The following DGKH variants were observed in gnomAD, a reference collection of about 807,000 sequenced individuals.
DGKH encodes the protein DAG kinase eta.
Under a neutral mutation model 159.3 loss-of-function variants are expected in DGKH, and 90 were observed. The ratio of observed to expected loss-of-function variants is 0.57; its 90% CI spans 0.48 to 0.67. The LOEUF is 0.67. Ranked by LOEUF, DGKH falls within the 30% of genes least tolerant of loss-of-function variation. The pLI is 0.00. For synonymous variants in DGKH, 536 were observed against 553.8 expected (o/e 0.97, Z 0.45); for missense variants, 1,181 against 1,506.1 (o/e 0.78, Z 3.57).
intron 1 of DGKH, among the ~76,000 whole-genome samples, chr13:42,051,418 C>G (rs1222202383): frequency 1.3e-5 from 2 of 152,104 alleles, no homozygotes. Flanking sequence ...TTATTTACGT[C>G]TTTTATCACA....
At chr13:42,091,868 A>G (rs556863275) in intron 1 of DGKH, among the ~76,000 whole-genome samples, 2 of 152,348 alleles carry the variant, frequency 1.3e-5, no homozygotes, top group Admixed American at 6.5e-5. Context: ...CAAAACCACA[A>G]TGAGCTATCA....
intron 1 of DGKH, among the ~76,000 whole-genome samples, chr13:42,089,718 G>A (rs1954377852): frequency 6.6e-6 from 1 of 152,036 alleles, no homozygotes; most frequent in Non-Finnish European, 1.5e-5. Flanking sequence ...GGGCCCCCTT[G>A]GGTAATCCAG....
intron 11 of DGKH, among the ~76,000 whole-genome samples, chr13:42,171,828 C>CTTTTTTT (rs541194131): frequency 2.9e-5 from 3 of 102,420 alleles, no homozygotes; most frequent in Admixed American, 1.0e-4. Flanking sequence ...ATATAAATTT[C>CTTTTTTT]TTTTTTTTTT....
intron 1 of DGKH, among the ~76,000 whole-genome samples, chr13:42,104,695 A>G (rs1402192584): frequency 2.0e-5 from 3 of 152,202 alleles, no homozygotes; most frequent in Non-Finnish European, 1.5e-5. Flanking sequence ...GAAAGAATGG[A>G]TTATGGTAGA....
intron 18 of DGKH, 41 bp from the exon 19 acceptor site, chr13:42,199,525 A>C: frequency 7.5e-7 from 1 of 1,335,694 alleles, no homozygotes; most frequent in Non-Finnish European, 1.0e-6. Flanking sequence ...GTTATAATGA[A>C]TCTCAAATTG....
intron 9 of DGKH, among the ~76,000 whole-genome samples, chr13:42,167,094 C>G (rs1956332439): frequency 6.6e-6 from 1 of 152,102 alleles, no homozygotes; most frequent in Admixed American, 6.5e-5. Context: ...CTTCAAGGAT[C>G]TCAGACTCAG....
chr13:42,251,817 G>A (rs568175294), intron 29 of DGKH, among the ~76,000 whole-genome samples: 2 of 152,044 alleles, frequency 1.3e-5, no homozygotes, highest in African/African-American at 2.4e-5. Flanking sequence ...CCATTACAGC[G>A]TGTTCCCATT....
At chr13:42,159,067 C>G (rs544323853) in intron 5 of DGKH, among the ~76,000 whole-genome samples, 199 bp from the exon 6 acceptor site, 1 of 152,118 alleles carries the variant, frequency 6.6e-6, no homozygotes, top group South Asian at 2.1e-4. Context: ...TATAAAAGTG[C>G]TTCATAAATA....
At chr13:42,114,159 A>G (rs146564903) in intron 1 of DGKH, among the ~76,000 whole-genome samples, 77 of 152,314 alleles carry the variant, frequency 5.1e-4, no homozygotes, top group African/African-American at 1.8e-3. Context: ...TAAAAGCAGA[A>G]TGGCTTTTAA....
At chr13:42,203,861 G>T (rs955714010) in intron 20 of DGKH, among the ~76,000 whole-genome samples, 2 of 151,994 alleles carry the variant, frequency 1.3e-5, no homozygotes, top group Non-Finnish European at 2.9e-5. Context: ...TAAAAATAAA[G>T]GATATATGGG....
At chr13:42,208,459 A>G (rs1273469341) in intron 21 of DGKH, among the ~76,000 whole-genome samples, 1 of 152,164 alleles carries the variant, frequency 6.6e-6, no homozygotes, top group Non-Finnish European at 1.5e-5. Context: ...GCACATATGT[A>G]TATTGCTTGT....
At chr13:42,246,976 C>G (rs1958585346), downstream of DGKH, among the ~76,000 whole-genome samples, 1 of 152,032 alleles carries the variant, frequency 6.6e-6, no homozygotes, top group Non-Finnish European at 1.5e-5. Flanking sequence ...CATATATGAC[C>G]ACACAGATAT....
chr13:42,049,076 G>A, intron 1 of DGKH, 111 bp downstream of exon 1: 1 of 501,188 alleles, frequency 2.0e-6, no homozygotes, highest in East Asian at 4.8e-5. Flanking sequence ...AGGCGGGGAA[G>A]GCGGGGAAGG....
chr13:42,136,042 G>A (rs1955396517), intron 3 of DGKH, among the ~76,000 whole-genome samples: 1 of 152,182 alleles, frequency 6.6e-6, no homozygotes, highest in African/African-American at 2.4e-5. Context: ...GGACAAATGG[G>A]TTAACCTTTC....
At position 42,142,692 on chromosome 13, in the gene DGKH, CTGTT is replaced by C. The variant is rs754209268; in HGVS notation, c.385-12595_385-12592del. ...GGGAGTTCACTCATGATTTGGCTCT[CTGTT>C]TGTCTGTTATTGGTGTATAAGAATG... On this transcript the variant is annotated intron_variant, in intron 3 of 29. Transcript: ENST00000337343. 3.3e-3 allele frequency among the ~76,000 whole-genome samples: 495 copies of C among 152,108 alleles called. 1 individual carries two copies. Among genetic ancestry groups the C allele is most frequent in the Non-Finnish European group, 4.8e-3 (324 of 67,960 alleles).
chr13:42,173,286 G>T (rs1455314310), intron 11 of DGKH, among the ~76,000 whole-genome samples: 1 of 152,120 alleles, frequency 6.6e-6, no homozygotes, highest in African/African-American at 2.4e-5. Context: ...TTCATATTTT[G>T]TTAGTCTACA....
chr13:42,155,440 A>G (rs1397407724), intron 4 of DGKH, 45 bp downstream of exon 4: 1 of 1,575,804 alleles, frequency 6.3e-7, no homozygotes, highest in South Asian at 1.1e-5. Context: ...TAGGAAATAA[A>G]TGTTAACCAA....
chr13:42,229,311 GCT>G lies in DGKH; in HGVS notation c.*124_*125del. On this transcript the variant is annotated 3_prime_UTR_variant, in exon 30 of 30. Transcript: ENST00000337343. ...TAAGCACCACTGAAGCACCTCTGTGGCTTGATATTTTGCTGTGGGTGAAATTT... is the reference window on the plus strand; with the variant it reads ...TAAGCACCACTGAAGCACCTCTGTGGTGATATTTTGCTGTGGGTGAAATTT... 2 of 811,494 alleles carry G rather than the reference GCT, an allele frequency of 2.5e-6. No homozygotes were observed. The highest frequency in any genetic ancestry group is 3.8e-6 in the Non-Finnish European group (2 of 524,376). 50.3% of individuals were successfully genotyped at this position (811,494 alleles called of 1,614,324 possible).
chr13:42,156,507 G>A (rs1831365482), intron 5 of DGKH, among the ~76,000 whole-genome samples: 1 of 152,000 alleles, frequency 6.6e-6, no homozygotes, highest in Admixed American at 6.6e-5. Flanking sequence ...TCCCAAAGAG[G>A]CATGAGCAAA....
Sources: gnomAD v4.1 joint callset for allele counts (sites outside exome capture counted in the v4.1 genomes callset) on GRCh38, gnomAD v4.1.1 for gene constraint, MANE v1.5 for transcripts, NCBI Gene and HGNC (gene_info 2026-07-23, HGNC 2026-07-21) for gene names.